Variants in SAXO1 observed in about 807,000 individuals in gnomAD.
SAXO1 encodes 4930500O09Rik.
In SAXO1, 21 loss-of-function variants were observed where a neutral mutation model predicts 17.5. That is an observed-to-expected ratio of 1.20 (90% confidence interval 0.85 to 1.72). SAXO1 has a LOEUF of 1.72. Among genes scored for constraint, SAXO1 ranks in the 40% most tolerant of loss-of-function variants. The pLI is 0.00. For synonymous variants in SAXO1, 274 were observed against 216.5 expected, an observed-to-expected ratio of 1.27 and a Z score of -2.33; for missense variants, 843 against 596.0, an observed-to-expected ratio of 1.41 and a Z score of -4.32.
intron 1 of SAXO1, among the ~76,000 whole-genome samples, chr9:18,973,512 A>T (rs1833027672): frequency 6.6e-6 from 1 of 152,180 alleles, no homozygotes; most frequent in Non-Finnish European, 1.5e-5. Flanking sequence ...TCTCAAACAA[A>T]ATGCAGCCAA....
At chr9:19,032,302 C>T (rs1294708813) in intron 1 of SAXO1, among the ~76,000 whole-genome samples, 1 of 152,202 alleles carries the variant, frequency 6.6e-6, no homozygotes, top group Non-Finnish European at 1.5e-5. Flanking sequence ...CCCCCAGGAC[C>T]ACCTTTACTG....
In SAXO1 at chr9:18,941,648, G is replaced by A; in HGVS notation, c.410C>T (p.Pro137Leu). Residue 137 changes from proline to leucine, a missense_variant, in exon 3 of 4, where the codon CCT becomes CTT. Pro to Leu is a moderately conservative substitution (Grantham distance 98, BLOSUM62 -3). Transcript: ENST00000380534. ...CTGTGCTCTCCCACCTTTATAAGTA[G>A]GCAAACACTCCATCTTGTCGCTACA... ...YPCSDKMECL[P>L]TYKADYLPWN... The A allele has an allele frequency of 6.2e-7, 1 of 1,614,156 alleles. No individual in the cohort carries two copies. Among genetic ancestry groups the A allele is most frequent in the East Asian group, 2.2e-5 (1 of 44,880 alleles).
intron 1 of SAXO1, among the ~76,000 whole-genome samples, chr9:19,028,568 T>C (rs556337380): frequency 1.6e-4 from 24 of 152,382 alleles, no homozygotes; most frequent in Admixed American, 6.5e-4. Flanking sequence ...AAAAAAAATT[T>C]AGATGCTGAC....
intron 3 of SAXO1, among the ~76,000 whole-genome samples, chr9:18,936,073 T>C (rs972773718): frequency 1.3e-5 from 2 of 152,186 alleles, no homozygotes; most frequent in Non-Finnish European, 2.9e-5. Flanking sequence ...AAATGGTTGA[T>C]TTTCACTGTT....
chr9:19,040,663 A>G (rs1270580973), intron 1 of SAXO1, among the ~76,000 whole-genome samples: 4 of 152,178 alleles, frequency 2.6e-5, no homozygotes, highest in African/African-American at 9.6e-5. Context: ...AAGAAAAAAA[A>G]AGAGAGAGAG....
intron 1 of SAXO1, among the ~76,000 whole-genome samples, chr9:19,041,580 A>G (rs972787415): frequency 6.6e-6 from 1 of 152,226 alleles, no homozygotes; most frequent in Non-Finnish European, 1.5e-5. Flanking sequence ...ACAGCATGGT[A>G]CTAGCATAAA....
intron 1 of SAXO1, among the ~76,000 whole-genome samples, chr9:19,038,364 C>G (rs1217480292): frequency 6.6e-6 from 1 of 151,948 alleles, no homozygotes; most frequent in Non-Finnish European, 1.5e-5. Flanking sequence ...ACCCAAATGT[C>G]CAACAATGAT....
chr9:19,034,274 G>A (rs540465389), upstream of SAXO1, among the ~76,000 whole-genome samples: 35 of 110,882 alleles, frequency 3.2e-4, no homozygotes, highest in Non-Finnish European at 5.9e-4. Context: ...CTTTTTGTGT[G>A]GGGGGGGTTA....
intron 1 of SAXO1, among the ~76,000 whole-genome samples, chr9:19,007,797 C>A (rs1179191264): frequency 1.3e-5 from 2 of 152,166 alleles, no homozygotes. Context: ...TATTTCACGA[C>A]ACGTGAAAAT....
chr9:19,041,329 A>C (rs187229207), intron 1 of SAXO1, among the ~76,000 whole-genome samples: 41 of 152,352 alleles, frequency 2.7e-4, no homozygotes, highest in African/African-American at 9.9e-4. Context: ...TTCCATGTAC[A>C]TGGATTGGAA....
At position 18,928,526 on chromosome 9, in the gene SAXO1, G is replaced by A. The variant is rs1368924960; in HGVS notation, c.951C>T (p.Ala317=). Reference sequence around the variant, plus strand: ...GTGCAGGTCGGCAGGACTGAGCTGGGGCACCCTTAGGGCATGTGTAATGGG... The same window carrying A: ...GTGCAGGTCGGCAGGACTGAGCTGGAGCACCCTTAGGGCATGTGTAATGGG... The part of the protein sequence containing the change: ...VQAHYTCPKG[A]PAQSCRPALQ... The change falls in exon 4 of 4, where the codon GCC becomes GCT. Residue 317 remains alanine, a synonymous_variant. Coordinates refer to ENST00000380534, the MANE Select transcript of SAXO1 (RefSeq NM_153707.4). 1.9e-6 allele frequency: 3 copies of A among 1,613,986 alleles called. No individual in the cohort carries two copies. The highest frequency in any genetic ancestry group is 4.5e-5 in the East Asian group (2 of 44,856).
At chr9:19,034,644 C>G (rs1283512716), upstream of SAXO1, among the ~76,000 whole-genome samples, 1 of 152,162 alleles carries the variant, frequency 6.6e-6, no homozygotes, top group Non-Finnish European at 1.5e-5. Flanking sequence ...ATTGATCATT[C>G]TTAAGAACAG....
chr9:18,961,734 T>C (rs879547579), intron 1 of SAXO1, among the ~76,000 whole-genome samples: 8 of 152,196 alleles, frequency 5.3e-5, no homozygotes, highest in Non-Finnish European at 8.8e-5. Context: ...ATCCAGTCTA[T>C]CATTGATGGG....
At chr9:19,031,693 C>G (rs1469540609) in intron 1 of SAXO1, among the ~76,000 whole-genome samples, 1 of 152,212 alleles carries the variant, frequency 6.6e-6, no homozygotes, top group African/African-American at 2.4e-5. Context: ...TGATCTAGTT[C>G]AGTGAGTCCC....
intron 1 of SAXO1, among the ~76,000 whole-genome samples, chr9:18,961,233 G>C (rs1327503): frequency 0.11 from 16,512 of 151,448 alleles, 3,073 homozygotes; most frequent in African/African-American, 0.38. Context: ...GTGGTGCAAT[G>C]ACGGCCAGCT....
At chr9:18,972,711 C>T (rs1051404543) in intron 1 of SAXO1, among the ~76,000 whole-genome samples, 22 of 152,146 alleles carry the variant, frequency 1.4e-4, no homozygotes, top group African/African-American at 5.3e-4. Context: ...GCCCAGCGTA[C>T]CAACAGAAGG....
intron 1 of SAXO1, among the ~76,000 whole-genome samples, chr9:19,001,030 G>A (rs1015958090): frequency 1.3e-5 from 2 of 152,072 alleles, no homozygotes; most frequent in Admixed American, 6.5e-5. Flanking sequence ...ACAGATCAAC[G>A]AGATCTGTCT....
upstream of SAXO1, among the ~76,000 whole-genome samples, chr9:19,035,674 G>A (rs571084170): frequency 2.7e-4 from 41 of 152,276 alleles, no homozygotes; most frequent in Admixed American, 1.1e-3. Context: ...TGCTGATAGC[G>A]ATATGGACAA....
chr9:18,942,769 C>G (rs538664323), intron 2 of SAXO1, among the ~76,000 whole-genome samples: 20 of 152,342 alleles, frequency 1.3e-4, no homozygotes, highest in Admixed American at 1.3e-3. Flanking sequence ...CCTAAGGAGC[C>G]AGGGCTTAGC....
Sources: allele counts gnomAD v4.1 joint callset (sites outside exome capture counted in the v4.1 genomes callset), GRCh38; gene constraint gnomAD v4.1.1; transcripts MANE v1.5; gene names NCBI Gene and HGNC (gene_info 2026-07-23, HGNC 2026-07-21).